TSC22D2: variants seen among roughly 807,000 people sequenced by gnomAD.
TSC22D2 encodes the protein TSC22 domain family protein 2.
A neutral mutation model predicts 50.1 loss-of-function variants in TSC22D2; 5 were observed. The ratio of observed to expected loss-of-function variants is 0.10; its 90% CI spans 0.05 to 0.21. TSC22D2 has a LOEUF of 0.21. Among genes scored for constraint, TSC22D2 ranks in the 10% least tolerant of loss-of-function variants. The probability of loss-of-function intolerance (pLI) is 1.00; values close to 1 mark genes in which losing one functional copy is unlikely to be tolerated. For synonymous variants in TSC22D2, 501 were observed against 450.1 expected, an observed-to-expected ratio of 1.11 and a Z score of -1.43; for missense variants, 1,003 against 1,015.5, an observed-to-expected ratio of 0.99 and a Z score of 0.17.
rs747985566 is a variant in TSC22D2, at chr3:150,410,111, C to A, written c.761C>A (p.Pro254Gln). ...SSLTAVSQLP[P>Q]SEKMSQPTPA... ...TTGACTGCTGTGTCACAGCTACCCC[C>A]GTCGGAGAAAATGAGCCAGCCCACT... Residue 254 changes from proline to glutamine, a missense_variant, in exon 1 of 3, where the codon CCG (proline) becomes CAG (glutamine). Pro to Gln is a moderately conservative substitution (Grantham distance 76). Around this residue, in one of 6 missense-constraint regions of TSC22D2, gnomAD observed 696 missense variants for 647.8 expected, o/e 1.07. Coordinates refer to ENST00000688009, the MANE Select transcript of TSC22D2 (RefSeq NM_001303264.2). 3.1e-6 allele frequency: 5 copies of A among 1,612,532 alleles called. No individual in the cohort carries two copies. Among genetic ancestry groups the A allele is most frequent in the Non-Finnish European group, 4.2e-6 (5 of 1,179,906 alleles).
In TSC22D2 at chr3:150,409,687, G is replaced by A; in HGVS notation, c.337G>A (p.Val113Met). 6.3e-7 allele frequency: 1 copy of A among 1,588,892 alleles called. No individual in the cohort carries two copies. The highest frequency in any genetic ancestry group is 8.6e-7 in the Non-Finnish European group (1 of 1,168,870). ...NGGGVVSARS[V>M]SGALASTLAA... ...AGGAGGAGTCGTTTCGGCCCGGAGC[G>A]TGTCTGGGGCGCTCGCCAGTACCCT... Residue 113 changes from valine to methionine, a missense_variant, in exon 1 of 3, where the codon GTG becomes ATG. Physicochemically the swap from Val to Met is conservative, Grantham distance 21. Around this residue, in one of 6 missense-constraint regions of TSC22D2, gnomAD observed 200 missense variants for 182.8 expected, o/e 1.09. Transcript: ENST00000688009. The surrounding 1 kb of genome is among the most constrained non-coding windows in gnomAD (Gnocchi z 7.4).
Position 150,410,286 on chromosome 3 carries a change from C to A in TSC22D2, c.936C>A (p.Ser312Arg). 1 of 1,561,350 alleles carries A rather than the reference C, an allele frequency of 6.4e-7. No homozygotes were observed. Among genetic ancestry groups the A allele is most frequent in the Admixed American group, 1.9e-5 (1 of 53,124 alleles). Residue 312 changes from serine (S) to arginine (R), a missense_variant, in exon 1 of 3, where the codon AGC (serine) becomes AGA (arginine). Coordinates refer to ENST00000688009, the MANE Select transcript of TSC22D2 (RefSeq NM_001303264.2). Reference sequence around the variant, plus strand: ...CAATGATGGCAGCCGCGCAGCCCAGCCAGCCCCAGGGAGCGGGGCCCGGGG... The same window carrying A: ...CAATGATGGCAGCCGCGCAGCCCAGACAGCCCCAGGGAGCGGGGCCCGGGG... Reference protein sequence around the residue: ...PQPMMAAAQPSQPQGAGPGGQ... With the variant: ...PQPMMAAAQPRQPQGAGPGGQ...
chr3:150,441,298 G>T (rs1720711661), intron 1 of TSC22D2, among the ~76,000 whole-genome samples: 1 of 152,138 alleles, frequency 6.6e-6, no homozygotes, highest in African/African-American at 2.4e-5. Context: ...TTTTTAAACT[G>T]TGTAGTTAAA....
At chr3:150,446,594 A>T (rs936085928) in intron 1 of TSC22D2, among the ~76,000 whole-genome samples, 6 of 152,252 alleles carry the variant, frequency 3.9e-5, no homozygotes, top group African/African-American at 1.4e-4. Context: ...GATTTATTAA[A>T]AATAAAGACT....
At chr3:150,435,509 GT>G (rs1185274164) in intron 1 of TSC22D2, among the ~76,000 whole-genome samples, 1 of 152,126 alleles carries the variant, frequency 6.6e-6, no homozygotes, top group East Asian at 1.9e-4. Context: ...CCAAGCATTG[GT>G]TTATCATGGC....
rs1559854535 is a variant in TSC22D2, at chr3:150,461,856, A to ATTT, written c.*3220_*3221insTTT. The ATTT allele has an allele frequency of 1.1e-4, 16 of 150,976 alleles. No homozygotes were observed. Among genetic ancestry groups the ATTT allele is most frequent in the South Asian group, 2.1e-4 (1 of 4,742 alleles). The allele number at this position is 150,976 out of a possible 1,614,324, so 9.4% of individuals were successfully genotyped here. ...AGTAATTCATGGACCTTTTTTTAAAAAAAAAAAAAGTCTTAATAGAACCAG... is the reference window on the plus strand; with the variant it reads ...AGTAATTCATGGACCTTTTTTTAAAATTTAAAAAAAAAGTCTTAATAGAACCAG... On this transcript the variant is annotated 3_prime_UTR_variant, in exon 3 of 3. Transcript: ENST00000688009.
chr3:150,447,261 T>C (rs1460724082), intron 1 of TSC22D2, among the ~76,000 whole-genome samples: 1 of 152,204 alleles, frequency 6.6e-6, no homozygotes, highest in Non-Finnish European at 1.5e-5. Context: ...TTCCTAAGAA[T>C]AGTTTCTTCC....
chr3:150,446,064 A>G (rs1720876095), intron 1 of TSC22D2, among the ~76,000 whole-genome samples: 1 of 146,686 alleles, frequency 6.8e-6, no homozygotes, highest in Admixed American at 7.0e-5. Flanking sequence ...ACTGCACTCC[A>G]GCCTGGGCAA....
Position 150,458,777 on chromosome 3 carries a change from A to G in TSC22D2, c.*141A>G. ...CTTTTCAGTATTAGACAATCATTCT[A>G]CAAGAGCTTTTCCTCTCTCTGAGAT... On this transcript the variant is annotated 3_prime_UTR_variant, in exon 3 of 3. Coordinates refer to ENST00000688009, the MANE Select transcript of TSC22D2 (RefSeq NM_001303264.2). 1 of 1,072,618 alleles carries G rather than the reference A, an allele frequency of 9.3e-7. No homozygotes were observed. The highest frequency in any genetic ancestry group is 2.8e-5 in the Admixed American group (1 of 35,828). The allele number at this position is 1,072,618 out of a possible 1,614,324, so 66.4% of individuals were successfully genotyped here.
chr3:150,411,554 AAG>A (rs1340071924), intron 1 of TSC22D2, among the ~76,000 whole-genome samples: 5 of 152,226 alleles, frequency 3.3e-5, no homozygotes, highest in African/African-American at 1.2e-4. Flanking sequence ...TACTCAAAAA[AAG>A]GTGAATTTAA....
In TSC22D2 at chr3:150,459,586, G is replaced by GT. The variant is rs1721314104; in HGVS notation, c.*951dup. 1 of 78,344 alleles carries GT rather than the reference G, an allele frequency of 1.3e-5. No homozygotes were observed. The highest frequency in any genetic ancestry group is 4.9e-5 in the African/African-American group (1 of 20,582). 4.9% of individuals were successfully genotyped at this position (78,344 alleles called of 1,614,324 possible). A position where few individuals can be genotyped will look rare whatever the true frequency, so the allele number is the denominator to read the frequency against. ...TTTTTTTTGTTGTTTTTTTTTTTTT[G>GT]TCTTTTTTTTTTTTTATAATGCACA... On this transcript the variant is annotated 3_prime_UTR_variant, in exon 3 of 3. Coordinates refer to ENST00000688009, the MANE Select transcript of TSC22D2 (RefSeq NM_001303264.2).
At position 150,410,529 on chromosome 3, in the gene TSC22D2, C is replaced by T; in HGVS notation, c.1179C>T (p.Pro393=). 1.3e-6 allele frequency: 2 copies of T among 1,576,490 alleles called. No homozygotes were observed. The highest frequency in any genetic ancestry group is 1.7e-6 in the Non-Finnish European group (2 of 1,162,566). The change falls in exon 1 of 3, where the codon CCC becomes CCT. Residue 393 remains proline (P), a synonymous_variant. Transcript: ENST00000688009. ...TGGCCGGCCTGCAGCCGCCAAGCCC[C>T]GCGCAGCCCTCGTCCACCGGCGCCG... ...QHVAGLQPPS[P]AQPSSTGAAA... is the part of the protein sequence containing the mutation.
At position 150,463,569 on chromosome 3, in the gene TSC22D2, T is replaced by C. The variant is rs1373172052; in HGVS notation, c.*4933T>C. On this transcript the variant is annotated 3_prime_UTR_variant, in exon 3 of 3. Coordinates refer to ENST00000688009, the MANE Select transcript of TSC22D2 (RefSeq NM_001303264.2). ...TTCTACAGCAAGATCCCTTTAAATG[T>C]ATGGCTTTCCTTCATAGGTTGCAAG... The C allele has an allele frequency of 1.3e-5, 2 of 152,226 alleles. No individual in the cohort carries two copies. Among genetic ancestry groups the C allele is most frequent in the African/African-American group, 4.8e-5 (2 of 41,450 alleles). 9.4% of individuals were successfully genotyped at this position (152,226 alleles called of 1,614,324 possible). A position where few individuals can be genotyped will look rare whatever the true frequency, so the allele number is the denominator to read the frequency against.
intron 1 of TSC22D2, among the ~76,000 whole-genome samples, chr3:150,414,811 G>T (rs1719738743): frequency 6.6e-6 from 1 of 151,656 alleles, no homozygotes; most frequent in African/African-American, 2.4e-5. Context: ...GACCTCTGTT[G>T]TATGAAAGTC....
Position 150,409,881 on chromosome 3 carries a change from C to T in TSC22D2, c.531C>T (p.Arg177=), listed in dbSNP as rs1719447985. 6.2e-7 allele frequency: 1 copy of T among 1,612,692 alleles called. No individual in the cohort carries two copies. The highest frequency in any genetic ancestry group is 1.1e-5 in the South Asian group (1 of 91,088). Residue 177 remains arginine, a synonymous_variant, in exon 1 of 3, where the codon CGC becomes CGT. Coordinates refer to ENST00000688009, the MANE Select transcript of TSC22D2 (RefSeq NM_001303264.2). The surrounding 1 kb of genome is among the most constrained non-coding windows in gnomAD (Gnocchi z 7.4). ...ACGGGAGCGGAGAGCCCTATAGACGCGGCCGATGGACGTGTATGGAATACT... is the reference window on the plus strand; with the variant it reads ...ACGGGAGCGGAGAGCCCTATAGACGTGGCCGATGGACGTGTATGGAATACT... The part of the protein sequence containing the change: ...LDHGSGEPYR[R]GRWTCMEYYE...
At chr3:150,450,671 T>A (rs1488691451) in intron 1 of TSC22D2, among the ~76,000 whole-genome samples, 1 of 152,116 alleles carries the variant, frequency 6.6e-6, no homozygotes, top group Non-Finnish European at 1.5e-5. Flanking sequence ...TTGTTATTTG[T>A]TCTTAAATTA....
At chr3:150,430,849 A>T (rs544051935) in intron 1 of TSC22D2, among the ~76,000 whole-genome samples, 10 of 152,268 alleles carry the variant, frequency 6.6e-5, no homozygotes, top group African/African-American at 2.4e-4. Context: ...AGATTAGACC[A>T]TTCTGAGGAT....
intron 1 of TSC22D2, among the ~76,000 whole-genome samples, chr3:150,422,410 A>T (rs1720039871): frequency 6.6e-6 from 1 of 152,214 alleles, no homozygotes. Flanking sequence ...GATAATTATG[A>T]TAAATAGGCT....
intron 1 of TSC22D2, among the ~76,000 whole-genome samples, chr3:150,413,511 G>A (rs1393704021): frequency 6.7e-6 from 1 of 148,892 alleles, no homozygotes; most frequent in Non-Finnish European, 1.5e-5. Context: ...CAACATACCT[G>A]GTGAAGGAAT....
Sources: gnomAD v4.1 joint callset for allele counts (sites outside exome capture counted in the v4.1 genomes callset) on GRCh38, gnomAD v4.1.1 for gene constraint, gnomAD v4.1.1 regional missense constraint, Gnocchi (gnomAD v3.1) non-coding constraint, MANE v1.5 for transcripts, NCBI Gene and HGNC (gene_info 2026-07-23, HGNC 2026-07-21) for gene names.